ASPM: variants seen among roughly 807,000 people sequenced by gnomAD.
The protein encoded by ASPM is abnormal spindle-like microcephaly-associated protein.
In ASPM, 256 loss-of-function variants were observed where a neutral mutation model predicts 366.4. The ratio of observed to expected loss-of-function variants is 0.70; its 90% confidence interval spans 0.63 to 0.77. ASPM has a LOEUF of 0.77. Among genes scored for constraint, ASPM ranks in the 30% least tolerant of loss-of-function variants. ASPM has a pLI of 0.00. For missense variants in ASPM, 4,146 were observed against 4,090.4 expected, an observed-to-expected ratio of 1.01 and a Z score of -0.37; for synonymous variants, 1,414 against 1,342.9, an observed-to-expected ratio of 1.05 and a Z score of -1.16.
rs587783229 is a variant in ASPM, at chr1:197,144,089, T to C, written c.309A>G (p.Lys103=). The C allele has an allele frequency of 1.2e-5, 20 of 1,603,706 alleles. No individual in the cohort carries two copies. The Middle Eastern group carries it at 5.0e-4, about 40-fold the overall frequency. ...QRCFVLQPKE[K]IVISVNWTPL... ...GTGTCCAGTTAACAGAAATAACAAT[T>C]TTCTCTTTAGGCTATAATCAAAACA... The change falls in exon 2 of 28, where the codon AAA becomes AAG. Residue 103 remains lysine (K), a synonymous_variant. Transcript: ENST00000367409.
At chr1:197,086,768 T>C in intron 27 of ASPM, 35 bp downstream of exon 27, 1 of 1,531,160 alleles carries the variant, frequency 6.5e-7, no homozygotes. Flanking sequence ...GAATGAACAG[T>C]GACACAAATT....
At chr1:197,108,654 T>C (rs551092499) in intron 17 of ASPM, among the ~76,000 whole-genome samples, 2 of 152,148 alleles carry the variant, frequency 1.3e-5, no homozygotes, top group South Asian at 4.1e-4. Context: ...TCATCAAAGA[T>C]AAATAGTCCT....
At chr1:197,088,902 A>T (rs1367701002) in intron 25 of ASPM, among the ~76,000 whole-genome samples, 3 of 152,046 alleles carry the variant, frequency 2.0e-5, no homozygotes, top group African/African-American at 7.2e-5. Flanking sequence ...AATACATATG[A>T]TGCTAGTAAG....
At chr1:197,137,121 T>C (rs1658442484) in intron 4 of ASPM, among the ~76,000 whole-genome samples, 2 of 152,244 alleles carry the variant, frequency 1.3e-5, no homozygotes, top group Admixed American at 6.5e-5. Context: ...TTTAATAACA[T>C]TGGATTAAGA....
chr1:197,106,628 T>A (rs1386071604), intron 17 of ASPM, among the ~76,000 whole-genome samples: 1 of 152,162 alleles, frequency 6.6e-6, no homozygotes, highest in South Asian at 2.1e-4. Flanking sequence ...ATGGAAGATA[T>A]GATCATCTCC....
intron 18 of ASPM, among the ~76,000 whole-genome samples, chr1:197,097,003 C>A (rs1367278268): frequency 6.6e-6 from 1 of 151,704 alleles, no homozygotes; most frequent in Non-Finnish European, 1.5e-5. Flanking sequence ...TCCAACATCC[C>A]TACAGGAAGA....
intron 17 of ASPM, among the ~76,000 whole-genome samples, chr1:197,108,067 T>C (rs991840674): frequency 3.3e-5 from 5 of 152,146 alleles, no homozygotes; most frequent in African/African-American, 9.6e-5. Flanking sequence ...AATCACAGTA[T>C]GTGCTCTGGT....
intron 18 of ASPM, among the ~76,000 whole-genome samples, chr1:197,097,277 C>T (rs1472289346): frequency 6.6e-6 from 1 of 151,720 alleles, no homozygotes; most frequent in Non-Finnish European, 1.5e-5. Context: ...TAATGCATCT[C>T]TTACTTGAAT....
At position 197,091,058 on chromosome 1, in the gene ASPM, A is replaced by G. The variant is rs1473063150; in HGVS notation, c.9445-17T>C. 5.7e-6 allele frequency: 9 copies of G among 1,590,842 alleles called. No individual in the cohort carries two copies. The highest frequency in any genetic ancestry group is 6.9e-6 in the Non-Finnish European group (8 of 1,162,174). On this transcript the variant is annotated splice_polypyrimidine_tract_variant and intron_variant, in intron 22 of 27. Coordinates refer to ENST00000367409, the MANE Select transcript of ASPM (RefSeq NM_018136.5). Reference sequence around the variant, plus strand: ...AAACCATCTCTGTTTAAAACATAGAATTTTGTTTTTCATTTCTACTTCAGG... The same window carrying G: ...AAACCATCTCTGTTTAAAACATAGAGTTTTGTTTTTCATTTCTACTTCAGG...
rs780423655 is a variant in ASPM at position 197,103,040 on chromosome 1, T to C, written c.6211A>G (p.Ile2071Val). 4 of 1,612,226 alleles carry C rather than the reference T, an allele frequency of 2.5e-6. No individual in the cohort carries two copies. Among genetic ancestry groups the C allele is most frequent in the African/African-American group, 2.7e-5 (2 of 74,948 alleles). ...KKYATYRASA[I>V]IIQRWYRGIK... Reference sequence around the variant, plus strand: ...CCTCGATACCATCTCTGAATTATAATAGCTGAAGCTCTATAGGTTGCATAT... The same window carrying C: ...CCTCGATACCATCTCTGAATTATAACAGCTGAAGCTCTATAGGTTGCATAT... The change falls in exon 18 of 28, where the codon ATT becomes GTT. Residue 2071 changes from isoleucine to valine, a missense_variant. This residue lies in a region of ASPM where 3,624 missense variants were observed against 3,591.7 expected (regional missense o/e 1.01). Coordinates refer to ENST00000367409, the MANE Select transcript of ASPM (RefSeq NM_018136.5).
chr1:197,143,524 C>T lies in ASPM; in HGVS notation c.728G>A (p.Arg243Gln), dbSNP rs201143810. 5.0e-6 allele frequency: 8 copies of T among 1,613,862 alleles called. No homozygotes were observed. The East Asian group carries it at 6.7e-5, about 13-fold the overall frequency. The change falls in exon 3 of 28, where the codon CGA (arginine) becomes CAA (glutamine). Residue 243 changes from arginine (R) to glutamine (Q), a missense_variant. This residue lies in a region of ASPM where 512 missense variants were observed against 471.7 expected (regional missense o/e 1.09). Transcript: ENST00000367409. ...GATCLPLSVR[R>Q]STTYSSLHAS... ...ATGAAGAGATGAGTAGGTAGTAGAT[C>T]GACGTACAGAGAGTGGCAAGCAAGT...
In ASPM at chr1:197,122,580, C is replaced by T. The variant is rs1255706246; in HGVS notation, c.3406G>A (p.Val1136Met). The stretch of plus-strand genomic sequence containing the variant: ...AACACACGGCCGTCTGAGAAAGACA[C>T]TGTAAAATTCTCCACCTGATTGAAA... Reference protein sequence around the residue: ...FYNKKVENFTVSFSDGRVLCY... With the variant: ...FYNKKVENFTMSFSDGRVLCY... The change falls in exon 14 of 28, where the codon GTG (valine) becomes ATG (methionine). Residue 1136 changes from valine (V) to methionine (M), a missense_variant. Physicochemically the swap from Val to Met is conservative, Grantham distance 21 (BLOSUM62 1). Coordinates refer to ENST00000367409, the MANE Select transcript of ASPM (RefSeq NM_018136.5). The T allele has an allele frequency of 6.2e-7, 1 of 1,606,760 alleles. No homozygotes were observed. Among genetic ancestry groups the T allele is most frequent in the Non-Finnish European group, 8.5e-7 (1 of 1,176,002 alleles).
At chr1:197,139,928 G>C in intron 3 of ASPM, 57 bp from the exon 4 acceptor site, 1 of 1,222,898 alleles carries the variant, frequency 8.2e-7, no homozygotes, top group South Asian at 1.2e-5. Flanking sequence ...CCCTAAATAG[G>C]TCAGTGATTT....
rs886043659 is a variant in ASPM, at chr1:197,103,264, GCTT to G, written c.5984_5986del (p.Lys1995_Ala1996delinsThr). 19 of 1,612,822 alleles carry G rather than the reference GCTT, an allele frequency of 1.2e-5. No individual in the cohort carries two copies. The African/African-American group carries it at 2.3e-4, about 19-fold the overall frequency. On this transcript the variant is annotated inframe_deletion, in exon 18 of 28. Coordinates refer to ENST00000367409, the MANE Select transcript of ASPM (RefSeq NM_018136.5). ...ATAATACTTTTGAATCAGAAGAGCA[GCTT>G]TTTTCATGATTTTCCACTTCTTTTG... is the stretch of plus-strand genomic sequence containing the variant.
rs1469948491 is a variant in ASPM, at chr1:197,088,270, T to C, written c.10147A>G (p.Thr3383Ala). 4 of 1,613,222 alleles carry C rather than the reference T, an allele frequency of 2.5e-6. No individual in the cohort carries two copies. Among genetic ancestry groups the C allele is most frequent in the Admixed American group, 3.3e-5 (2 of 59,918 alleles). The change falls in exon 26 of 28, where the codon ACA becomes GCA. Residue 3383 changes from threonine to alanine, a missense_variant. By Grantham distance (58) the Thr-to-Ala change is moderately conservative. Coordinates refer to ENST00000367409, the MANE Select transcript of ASPM (RefSeq NM_018136.5). ...CTAATACTTACAGAGGCTCTATTTG[T>C]TGTCTTCAGTAAAATAGCCAACAAA... is the stretch of plus-strand genomic sequence containing the variant. ...CCLLAILLKTTNRASDVRSRS... is the reference protein window; with the variant it reads ...CCLLAILLKTANRASDVRSRS...
In ASPM at chr1:197,144,058, T is replaced by G; in HGVS notation, c.340A>C (p.Lys114Gln). ...ATAATCTCTCTTACTCGGCCTTCTT[T>G]GAGTGGTGTCCAGTTAACAGAAATA... ...IVISVNWTPL[K>Q]EGRVREIMTF... The change falls in exon 2 of 28, where the codon AAA becomes CAA. Residue 114 changes from lysine (K) to glutamine (Q), a missense_variant. Around this residue, in one of 3 missense-constraint regions of ASPM, gnomAD observed 512 missense variants for 471.7 expected, o/e 1.09. Coordinates refer to ENST00000367409, the MANE Select transcript of ASPM (RefSeq NM_018136.5). 6.2e-7 allele frequency: 1 copy of G among 1,609,754 alleles called. No homozygotes were observed.
intron 12 of ASPM, among the ~76,000 whole-genome samples, chr1:197,124,611 T>C (rs1170202660): frequency 6.6e-6 from 1 of 152,028 alleles, no homozygotes; most frequent in Non-Finnish European, 1.5e-5. Flanking sequence ...ATCAATGATG[T>C]AAACTGTAGT....
chr1:197,123,281 C>T (rs990509855), intron 13 of ASPM, among the ~76,000 whole-genome samples: 7 of 152,112 alleles, frequency 4.6e-5, no homozygotes, highest in African/African-American at 7.2e-5. Flanking sequence ...CTGAAAAGGA[C>T]GCTTGTTTAC....
At chr1:197,088,483 CA>C (rs1407936860) in intron 25 of ASPM, 51 bp from the exon 26 acceptor site, 9 of 1,513,918 alleles carry the variant, frequency 5.9e-6, no homozygotes, top group Non-Finnish European at 7.2e-6. Flanking sequence ...CATACATTTA[CA>C]AACAACCCAA....
Sources: allele counts gnomAD v4.1 joint callset (sites outside exome capture counted in the v4.1 genomes callset), GRCh38; gene constraint gnomAD v4.1.1; regional missense constraint gnomAD v4.1.1; transcripts MANE v1.5; gene names NCBI Gene and HGNC (gene_info 2026-07-23, HGNC 2026-07-21).